Variants in GSTCD observed in about 807,000 individuals in gnomAD.
The protein encoded by GSTCD is glutathione S-transferase C-terminal domain-containing protein.
GSTCD carries 44 observed loss-of-function variants against 68.3 expected under a neutral mutation model. The ratio of observed to expected loss-of-function variants is 0.64; its 90% confidence interval spans 0.51 to 0.83. The LOEUF (loss-of-function observed/expected upper bound fraction) is 0.83, where lower values mean the gene tolerates loss of function less well. Ranked by LOEUF, GSTCD falls within the 40% of genes least tolerant of loss-of-function variation. The pLI is 0.00. For synonymous variants in GSTCD, 273 were observed against 255.2 expected, an observed-to-expected ratio of 1.07 and a Z score of -0.67; for missense variants, 739 against 735.9, an observed-to-expected ratio of 1.00 and a Z score of -0.05.
intron 5 of GSTCD, among the ~76,000 whole-genome samples, chr4:105,796,768 A>G (rs1268839576): frequency 6.6e-6 from 1 of 152,208 alleles, no homozygotes; most frequent in Non-Finnish European, 1.5e-5. Flanking sequence ...ATCTTTTTAA[A>G]TTATTTGCCA....
intron 5 of GSTCD, among the ~76,000 whole-genome samples, chr4:105,800,189 G>T (rs1434724139): frequency 6.6e-6 from 1 of 152,144 alleles, no homozygotes; most frequent in Non-Finnish European, 1.5e-5. Flanking sequence ...TCACAATTAT[G>T]GTGGAAGGCA....
At position 105,743,611 on chromosome 4, in the gene GSTCD, T is replaced by G. The variant is rs139307275; in HGVS notation, c.1240+14112T>G. On this transcript the variant is annotated intron_variant, in intron 5 of 11. Transcript: ENST00000515279. ...GAGTAAGTTGCAGACATTGTTCACT[T>G]TCACTCCTAAATACTTAAATATTTC... Among the ~76,000 whole-genome samples the G allele has an allele frequency of 7.4e-3, 1,126 of 151,684 alleles. 17 individuals are homozygous for G. The highest frequency in any genetic ancestry group is 0.025 in the African/African-American group (1,031 of 41,336).
intron 5 of GSTCD, among the ~76,000 whole-genome samples, chr4:105,807,673 A>G (rs1275032503): frequency 1.3e-5 from 2 of 152,112 alleles, no homozygotes; most frequent in Admixed American, 6.6e-5. Context: ...CCAGCATACT[A>G]TAGAGCTAAT....
chr4:105,836,542 G>T (rs1724128680), intron 9 of GSTCD, among the ~76,000 whole-genome samples: 1 of 152,012 alleles, frequency 6.6e-6, no homozygotes, highest in Non-Finnish European at 1.5e-5. Context: ...GTGCCAAGGG[G>T]TGCCTGCAGG....
At chr4:105,738,679 A>G (rs561368186) in intron 5 of GSTCD, among the ~76,000 whole-genome samples, 1 of 151,160 alleles carries the variant, frequency 6.6e-6, no homozygotes, top group South Asian at 2.1e-4. Flanking sequence ...TTGCATGTTG[A>G]TTTTGTATCC....
intron 5 of GSTCD, among the ~76,000 whole-genome samples, chr4:105,794,334 A>T (rs556731137): frequency 2.6e-5 from 4 of 152,148 alleles, no homozygotes; most frequent in Non-Finnish European, 4.4e-5. Context: ...AATGGTAGAT[A>T]TATGTCATTA....
chr4:105,809,534 T>A (rs938993640), intron 5 of GSTCD, among the ~76,000 whole-genome samples: 1 of 152,094 alleles, frequency 6.6e-6, no homozygotes, highest in South Asian at 2.1e-4. Flanking sequence ...TTTCTCCCCT[T>A]TCTAATTTTT....
chr4:105,840,647 A>T (rs1724298231), intron 10 of GSTCD, among the ~76,000 whole-genome samples: 1 of 152,220 alleles, frequency 6.6e-6, no homozygotes, highest in Non-Finnish European at 1.5e-5. Flanking sequence ...TCATTGCTTC[A>T]TTTCAACTCT....
intron 5 of GSTCD, among the ~76,000 whole-genome samples, chr4:105,777,774 A>G (rs1043809869): frequency 1.3e-4 from 20 of 152,180 alleles, no homozygotes; most frequent in Non-Finnish European, 2.2e-4. Context: ...GGTAGCAGTA[A>G]GAGTTAAAGA....
intron 5 of GSTCD, among the ~76,000 whole-genome samples, chr4:105,744,023 CATT>C (rs1227691216): frequency 9.8e-5 from 15 of 152,290 alleles, no homozygotes; most frequent in African/African-American, 3.4e-4. Context: ...ATTTAGTACA[CATT>C]ATTATGTAAC....
At chr4:105,747,537 C>G (rs1240423507) in intron 5 of GSTCD, among the ~76,000 whole-genome samples, 1 of 152,158 alleles carries the variant, frequency 6.6e-6, no homozygotes, top group African/African-American at 2.4e-5. Context: ...CTTTGCCACC[C>G]AGATAACATG....
intron 5 of GSTCD, among the ~76,000 whole-genome samples, chr4:105,783,250 A>G (rs1735347216): frequency 6.6e-6 from 1 of 152,202 alleles, no homozygotes. Flanking sequence ...TGTTAGAGAC[A>G]GTGTTAGCTT....
intron 5 of GSTCD, among the ~76,000 whole-genome samples, chr4:105,812,203 T>C (rs1321238441): frequency 6.6e-6 from 1 of 152,170 alleles, no homozygotes; most frequent in East Asian, 1.9e-4. Flanking sequence ...GAATCTTTGG[T>C]TCTGAGTTTC....
chr4:105,798,479 A>G (rs1735986600), intron 5 of GSTCD, among the ~76,000 whole-genome samples: 1 of 152,116 alleles, frequency 6.6e-6, no homozygotes. Flanking sequence ...AATAGCAGCT[A>G]TAGTGTTATG....
intron 9 of GSTCD, 130 bp from the exon 10 acceptor site, chr4:105,837,729 A>C (rs891588359): frequency 1.2e-5 from 6 of 484,616 alleles, no homozygotes; most frequent in African/African-American, 1.2e-4. Context: ...AAACTGGCAT[A>C]GTTTTTACTT....
chr4:105,726,467 T>G, intron 3 of GSTCD, 112 bp from the exon 4 acceptor site: 1 of 646,686 alleles, frequency 1.5e-6, no homozygotes, highest in Non-Finnish European at 2.5e-6. Flanking sequence ...TACAACTCAT[T>G]GTTTGAACTA....
At chr4:105,827,271 A>T (rs1054926495) in intron 8 of GSTCD, 2 of 152,160 alleles carry the variant, frequency 1.3e-5, no homozygotes, top group Admixed American at 6.6e-5. Context: ...AAAGCATGGA[A>T]TTTCCAGCCT....
At chr4:105,825,585 T>C in intron 7 of GSTCD, 87 bp from the exon 8 acceptor site, 1 of 759,154 alleles carries the variant, frequency 1.3e-6, no homozygotes, top group Non-Finnish European at 2.2e-6. Context: ...TTCTACATTA[T>C]TAAAGCTATG....
intron 5 of GSTCD, among the ~76,000 whole-genome samples, chr4:105,819,605 C>T (rs1009208035): frequency 6.6e-6 from 1 of 151,754 alleles, no homozygotes; most frequent in African/African-American, 2.4e-5. Context: ...CCCTATAAAG[C>T]ATGATAAATG....
Sources: allele counts gnomAD v4.1 joint callset (sites outside exome capture counted in the v4.1 genomes callset), GRCh38; gene constraint gnomAD v4.1.1; transcripts MANE v1.5; gene names NCBI Gene and HGNC (gene_info 2026-07-23, HGNC 2026-07-21).